ADAM22: variants seen among roughly 807,000 people sequenced by gnomAD.
ADAM22 encodes disintegrin and metalloproteinase domain-containing protein 22.
In ADAM22, 65 loss-of-function variants were observed where a neutral mutation model predicts 144.6. The observed-to-expected ratio is 0.45, with a 90% CI of 0.37 to 0.55. ADAM22 has a LOEUF of 0.55. Ranked by LOEUF, ADAM22 falls within the 20% of genes least tolerant of loss-of-function variation. The pLI is 0.00. For synonymous variants in ADAM22, 391 were observed against 412.6 expected (o/e 0.95, Z 0.63); for missense variants, 974 against 1,184.9 (o/e 0.82, Z 2.61).
intron 3 of ADAM22, among the ~76,000 whole-genome samples, chr7:88,005,795 A>C (rs1405619195): frequency 1.3e-5 from 2 of 152,200 alleles, no homozygotes; most frequent in African/African-American, 2.4e-5. Context: ...TTTAAGAAAA[A>C]AATATAAAAT....
intron 2 of ADAM22, among the ~76,000 whole-genome samples, chr7:87,954,789 G>A (rs1324197079): frequency 2.6e-5 from 4 of 152,010 alleles, no homozygotes; most frequent in Non-Finnish European, 4.4e-5. Flanking sequence ...CCAATCAGAC[G>A]CAGATTTGGT....
At position 88,202,566 on chromosome 7, in the gene ADAM22, C is replaced by T. The variant is rs915153017; in HGVS notation, c.*6075C>T. The T allele has an allele frequency of 3.9e-5, 6 of 152,146 alleles. No homozygotes were observed. The highest frequency in any genetic ancestry group is 2.9e-5 in the Non-Finnish European group (2 of 68,036). The allele number at this position is 152,146 out of a possible 1,614,324, so 9.4% of individuals were successfully genotyped here. ...TTAGATTCGCATTATTTTAACATTT[C>T]TCTGCTACTCTGCACTTCAGGTTCG... On this transcript the variant is annotated 3_prime_UTR_variant, in exon 32 of 32. Coordinates refer to ENST00000413139, the MANE Select transcript of ADAM22 (RefSeq NM_001324418.2).
intron 6 of ADAM22, 34 bp downstream of exon 6, chr7:88,114,681 A>AGCTTTTTT (rs1402199904): frequency 6.2e-7 from 1 of 1,603,678 alleles, no homozygotes; most frequent in African/African-American, 1.3e-5. Flanking sequence ...TGGCAAATGG[A>AGCTTTTTT]AATGTTTATG....
In ADAM22 at chr7:88,182,005, C is replaced by A. The variant is rs1168313760; in HGVS notation, c.2644C>A (p.Pro882Thr). 6.2e-7 allele frequency: 1 copy of A among 1,613,682 alleles called. No individual in the cohort carries two copies. ...KKKIRGKRFR[P>T]RSNSTEYLNP... Reference sequence around the variant, plus strand: ...GAAAATCAGAGGCAAAAGATTTAGACCTCGGTCTAATTCAACTGAGTAAGT... The same window carrying A: ...GAAAATCAGAGGCAAAAGATTTAGAACTCGGTCTAATTCAACTGAGTAAGT... Residue 882 changes from proline (P) to threonine (T), a missense_variant, in exon 29 of 32, where the codon CCT becomes ACT. Physicochemically the swap from Pro to Thr is conservative, Grantham distance 38. Coordinates refer to ENST00000413139, the MANE Select transcript of ADAM22 (RefSeq NM_001324418.2).
chr7:87,979,552 A>G (rs912975675), intron 3 of ADAM22, among the ~76,000 whole-genome samples: 1 of 152,138 alleles, frequency 6.6e-6, no homozygotes, highest in Non-Finnish European at 1.5e-5. Flanking sequence ...AGGTCAAAAA[A>G]GTTTGACTAC....
chr7:88,037,229 T>C (rs948344870), intron 3 of ADAM22, among the ~76,000 whole-genome samples: 3 of 152,180 alleles, frequency 2.0e-5, no homozygotes, highest in African/African-American at 7.2e-5. Context: ...CCCAGTTTTC[T>C]AGTGGATTTG....
At chr7:87,971,078 G>A (rs568940627) in intron 2 of ADAM22, among the ~76,000 whole-genome samples, 43 of 152,040 alleles carry the variant, frequency 2.8e-4, no homozygotes, top group African/African-American at 8.4e-4. Context: ...ATATATATAT[G>A]TTTAACTATA....
At chr7:88,194,203 T>C (rs1850206338) in intron 31 of ADAM22, among the ~76,000 whole-genome samples, 1 of 152,206 alleles carries the variant, frequency 6.6e-6, no homozygotes, top group Non-Finnish European at 1.5e-5. Context: ...TTCTGCTAAA[T>C]TGTCTGCATC....
chr7:88,088,714 C>G (rs1819068910), intron 4 of ADAM22, among the ~76,000 whole-genome samples: 2 of 152,142 alleles, frequency 1.3e-5, no homozygotes, highest in Non-Finnish European at 1.5e-5. Flanking sequence ...CCCGCAAGGA[C>G]CATACTTCTC....
chr7:88,176,033 C>T (rs959900698), intron 26 of ADAM22, among the ~76,000 whole-genome samples: 4 of 151,968 alleles, frequency 2.6e-5, no homozygotes, highest in African/African-American at 9.7e-5. Flanking sequence ...AGTGCAGTGG[C>T]GCGATCTCGG....
chr7:88,083,037 A>T lies in ADAM22; in HGVS notation c.390+7345A>T, dbSNP rs1396466815. ...CATGCTGCTATAAAGACACATGCAC[A>T]TGTATGTTTATTGTGGCACTATTCA... is the stretch of plus-strand genomic sequence containing the variant. On this transcript the variant is annotated intron_variant, in intron 4 of 31. Coordinates refer to ENST00000413139, the MANE Select transcript of ADAM22 (RefSeq NM_001324418.2). 7.8e-4 allele frequency among the ~76,000 whole-genome samples: 119 copies of T among 152,224 alleles called. 1 individual carries two copies. Among genetic ancestry groups the T allele is most frequent in the Non-Finnish European group, 2.5e-4 (17 of 68,038 alleles).
chr7:88,025,877 AGG>A (rs1353483379), intron 3 of ADAM22, among the ~76,000 whole-genome samples: 11 of 147,714 alleles, frequency 7.4e-5, no homozygotes, highest in Non-Finnish European at 1.7e-4. Context: ...CATAAATTTT[AGG>A]ATTGTTTTTA....
intron 4 of ADAM22, among the ~76,000 whole-genome samples, chr7:88,091,002 A>G (rs146937698): frequency 2.4e-4 from 37 of 152,300 alleles, no homozygotes. Context: ...TTAAATACTG[A>G]ACAAAAGTTT....
intron 22 of ADAM22, among the ~76,000 whole-genome samples, chr7:88,156,435 T>G (rs1489816729): frequency 6.6e-6 from 1 of 152,090 alleles, no homozygotes; most frequent in African/African-American, 2.4e-5. Context: ...AGCAACAATA[T>G]TTTGTTATGT....
intron 4 of ADAM22, among the ~76,000 whole-genome samples, chr7:88,081,649 G>T (rs10273286): frequency 0.89 from 127,817 of 143,384 alleles, 57,320 homozygotes; most frequent in East Asian, 1. Context: ...AAAGTCTCAG[G>T]ATACAAAATC....
intron 3 of ADAM22, among the ~76,000 whole-genome samples, chr7:88,011,273 A>AAACAC (rs1795307546): frequency 6.6e-6 from 1 of 152,176 alleles, no homozygotes; most frequent in African/African-American, 2.4e-5. Context: ...TTGAAATTAA[A>AAACAC]AACACTGCCT....
At chr7:87,967,278 A>G (rs1232586045) in intron 2 of ADAM22, among the ~76,000 whole-genome samples, 3 of 152,182 alleles carry the variant, frequency 2.0e-5, no homozygotes, top group Non-Finnish European at 4.4e-5. Flanking sequence ...CAACAGCAAG[A>G]ATGGAAATTT....
At chr7:88,061,741 A>G (rs1400692159) in intron 3 of ADAM22, among the ~76,000 whole-genome samples, 1 of 151,892 alleles carries the variant, frequency 6.6e-6, no homozygotes, top group African/African-American at 2.4e-5. Context: ...TAAGGGCCTT[A>G]GGATTCTCAG....
At chr7:88,136,124 G>A (rs1832934883) in intron 14 of ADAM22, 93 bp downstream of exon 14, 3 of 1,098,008 alleles carry the variant, frequency 2.7e-6, no homozygotes, top group Admixed American at 2.3e-5. Flanking sequence ...CTTAGTGCAT[G>A]GAATCTAGCA....
Sources: gnomAD v4.1 joint callset for allele counts (sites outside exome capture counted in the v4.1 genomes callset) on GRCh38, gnomAD v4.1.1 for gene constraint, MANE v1.5 for transcripts, NCBI Gene and HGNC (gene_info 2026-07-23, HGNC 2026-07-21) for gene names.